The following HIBCH variants were observed in gnomAD, a reference collection of about 807,000 sequenced individuals.
HIBCH encodes 3-hydroxyisobutyryl-CoA hydrolase.
Under a neutral mutation model 58.2 loss-of-function variants are expected in HIBCH, and 50 were observed. The ratio of observed to expected loss-of-function variants is 0.86; its 90% CI spans 0.68 to 1.09. The LOEUF (loss-of-function observed/expected upper bound fraction) is 1.09, where lower values mean the gene tolerates loss of function less well. Ranked by LOEUF, HIBCH falls within the 50% of genes least tolerant of loss-of-function variation. The pLI, the probability that HIBCH is intolerant of heterozygous loss-of-function variation, is 0.00. For synonymous variants in HIBCH, 151 were observed against 146.9 expected (o/e 1.03, Z -0.20); for missense variants, 450 against 449.7 (o/e 1.00, Z -0.01).
intron 11 of HIBCH, among the ~76,000 whole-genome samples, chr2:190,227,605 G>C (rs1174768618): frequency 1.3e-5 from 2 of 152,134 alleles, no homozygotes; most frequent in African/African-American, 2.4e-5. Flanking sequence ...ACTACCATCG[G>C]AGTGAACAGG....
At chr2:190,196,257 T>C (rs1032317930) in intron 1 of HIBCH, among the ~76,000 whole-genome samples, 1 of 152,118 alleles carries the variant, frequency 6.6e-6, no homozygotes, top group Non-Finnish European at 1.5e-5. Context: ...TTTAAATCTT[T>C]TCCCTCCATT....
chr2:190,257,050 A>T (rs916360875), intron 7 of HIBCH, among the ~76,000 whole-genome samples: 5 of 152,218 alleles, frequency 3.3e-5, no homozygotes, highest in Non-Finnish European at 4.4e-5. Context: ...ATGGCAGAAA[A>T]TTTTCCAAAT....
chr2:190,223,297 G>T (rs984745973), intron 11 of HIBCH, among the ~76,000 whole-genome samples: 1 of 152,162 alleles, frequency 6.6e-6, no homozygotes, highest in South Asian at 2.1e-4. Flanking sequence ...ACAGGGTCTT[G>T]CTATGTTGCC....
At chr2:190,224,502 A>AACTTTATCC (rs1464553111) in intron 11 of HIBCH, among the ~76,000 whole-genome samples, 1 of 152,230 alleles carries the variant, frequency 6.6e-6, no homozygotes, top group Admixed American at 6.5e-5. Context: ...CTGATAAAAC[A>AACTTTATCC]GACTTTAAAC....
chr2:190,310,810 G>A lies in HIBCH; in HGVS notation c.36-14C>T, dbSNP rs753699242. The A allele has an allele frequency of 1.3e-6, 2 of 1,580,314 alleles. No individual in the cohort carries two copies. The highest frequency in any genetic ancestry group is 1.7e-6 in the Non-Finnish European group (2 of 1,149,336). On this transcript the variant is annotated splice_polypyrimidine_tract_variant and intron_variant, in intron 1 of 13. Coordinates refer to ENST00000359678, the MANE Select transcript of HIBCH (RefSeq NM_014362.4). ...AATGCATTAAACCTGAAACAAATGT[G>A]GAAAACAATGAGAACAGTAATGTGG...
chr2:190,198,127 T>C (rs1690064534), intron 1 of HIBCH, among the ~76,000 whole-genome samples: 1 of 152,194 alleles, frequency 6.6e-6, no homozygotes, highest in African/African-American at 2.4e-5. Context: ...AAGCAGGGCA[T>C]ACAGAACTAA....
chr2:190,296,782 T>C (rs1225097629), intron 3 of HIBCH, 31 bp downstream of exon 3: 4 of 1,572,616 alleles, frequency 2.5e-6, no homozygotes, highest in Non-Finnish European at 3.5e-6. Context: ...TTGAAAAGAA[T>C]CCATATAATT....
intron 1 of HIBCH, among the ~76,000 whole-genome samples, chr2:190,319,219 G>A (rs549622293): frequency 3.2e-4 from 48 of 152,130 alleles, no homozygotes; most frequent in Non-Finnish European, 5.4e-4. Flanking sequence ...CCCATGCCAC[G>A]TTAAATGTCC....
chr2:190,295,982 T>C (rs528658990), intron 3 of HIBCH, among the ~76,000 whole-genome samples: 41 of 152,316 alleles, frequency 2.7e-4, no homozygotes, highest in African/African-American at 7.2e-4. Flanking sequence ...TATGGAGAGA[T>C]TAACTTTCCC....
At chr2:190,292,257 A>T (rs1283172900) in intron 4 of HIBCH, among the ~76,000 whole-genome samples, 4 of 151,524 alleles carry the variant, frequency 2.6e-5, no homozygotes, top group Admixed American at 1.3e-4. Context: ...TAGAATTCTG[A>T]TATCTCTTCC....
intron 11 of HIBCH, among the ~76,000 whole-genome samples, chr2:190,228,965 C>G (rs1297081790): frequency 1.3e-5 from 2 of 152,066 alleles, no homozygotes; most frequent in Non-Finnish European, 2.9e-5. Flanking sequence ...CCCAAAGAAC[C>G]CTTCTTTTGA....
At chr2:190,231,977 C>G (rs1686111765) in intron 11 of HIBCH, among the ~76,000 whole-genome samples, 1 of 152,110 alleles carries the variant, frequency 6.6e-6, no homozygotes, top group Admixed American at 6.6e-5. Context: ...GTGTGGATCA[C>G]CTGAGGTCAA....
chr2:190,261,118 T>C (rs1687075764), intron 7 of HIBCH, 38 bp downstream of exon 7: 9 of 1,402,610 alleles, frequency 6.4e-6, no homozygotes, highest in African/African-American at 4.3e-5. Flanking sequence ...AAGAAGATGA[T>C]GCTAAAAGTA....
intron 1 of HIBCH, among the ~76,000 whole-genome samples, chr2:190,314,113 T>A (rs1384137915): frequency 6.6e-6 from 1 of 151,828 alleles, no homozygotes; most frequent in African/African-American, 2.4e-5. Context: ...TGCAGTGTTT[T>A]AACAAGTAAA....
At chr2:190,296,200 C>A (rs1485823032) in intron 3 of HIBCH, among the ~76,000 whole-genome samples, 2 of 152,128 alleles carry the variant, frequency 1.3e-5, no homozygotes, top group South Asian at 4.1e-4. Flanking sequence ...GCAGATAGAT[C>A]ACAAAGTCAG....
intron 1 of HIBCH, among the ~76,000 whole-genome samples, chr2:190,317,626 C>T (rs1376190540): frequency 2.0e-5 from 3 of 152,108 alleles, no homozygotes; most frequent in Non-Finnish European, 4.4e-5. Context: ...CAATCTTGTA[C>T]AGAAACAATT....
intron 7 of HIBCH, among the ~76,000 whole-genome samples, chr2:190,257,589 A>G (rs1044030322): frequency 4.6e-5 from 7 of 152,268 alleles, no homozygotes; most frequent in Middle Eastern, 3.4e-3. Flanking sequence ...TTAAAAAGAT[A>G]ATAGGGGAAT....
At chr2:190,272,370 C>T (rs976113354) in intron 6 of HIBCH, among the ~76,000 whole-genome samples, 22 of 152,130 alleles carry the variant, frequency 1.4e-4, no homozygotes, top group African/African-American at 5.1e-4. Flanking sequence ...TAGTTAGTTT[C>T]GAAGCTCACA....
intron 11 of HIBCH, among the ~76,000 whole-genome samples, chr2:190,218,737 G>C (rs909296314): frequency 6.6e-6 from 1 of 152,204 alleles, no homozygotes; most frequent in African/African-American, 2.4e-5. Context: ...CAATCCCAGA[G>C]GAATGCATTG....
Sources: gnomAD v4.1 joint callset for allele counts (sites outside exome capture counted in the v4.1 genomes callset) on GRCh38, gnomAD v4.1.1 for gene constraint, MANE v1.5 for transcripts, NCBI Gene and HGNC (gene_info 2026-07-23, HGNC 2026-07-21) for gene names.